TBC1D21: variants seen among roughly 807,000 people sequenced by gnomAD.
The protein encoded by TBC1D21 is TBC1 domain family member 21, also known as male germ cell Rab GTPase-activating protein.
TBC1D21 carries 38 observed loss-of-function variants against 46.0 expected under a neutral mutation model. The ratio of observed to expected loss-of-function variants is 0.83; its 90% CI spans 0.64 to 1.08. TBC1D21 has a LOEUF of 1.08. Ranked by LOEUF, TBC1D21 falls within the 50% of genes least tolerant of loss-of-function variation. TBC1D21 has a pLI of 0.00. For missense variants in TBC1D21, 415 were observed against 417.9 expected (o/e 0.99, Z 0.06); for synonymous variants, 151 against 157.2 (o/e 0.96, Z 0.29).
chr15:73,898,880 A>AAAAAAAAAATATATATATAT, the TBC1D21 span, among the ~76,000 whole-genome samples: 30 of 56,784 alleles, frequency 5.3e-4, no homozygotes, highest in Non-Finnish European at 7.2e-4. Flanking sequence ...AAAAAAAAAA[A>AAAAAAAAAATATATATATAT]ATATATATAT....
Position 73,884,831 on chromosome 15 carries a change from A to G in TBC1D21, c.418A>G (p.Ile140Val). 2 of 1,614,174 alleles carry G rather than the reference A, an allele frequency of 1.2e-6. No homozygotes were observed. The highest frequency in any genetic ancestry group is 1.7e-6 in the Non-Finnish European group (2 of 1,180,006). The change falls in exon 5 of 11, where the codon ATC becomes GTC. Residue 140 changes from isoleucine (I) to valine (V), a missense_variant. Coordinates refer to ENST00000300504, the MANE Select transcript of TBC1D21 (RefSeq NM_153356.3). ...CAAAGATCCCCTGGGCAACGTCCTC[A>G]TCGACAAGAAGAGGCTAGAGAAGAT... is the stretch of plus-strand genomic sequence containing the variant. ...YDKDPLGNVL[I>V]DKKRLEKILL...
chr15:73,887,508 C>A, intron 8 of TBC1D21, 112 bp from the exon 9 acceptor site: 1 of 825,566 alleles, frequency 1.2e-6, no homozygotes, highest in Non-Finnish European at 2.1e-6. Context: ...AAGTCAGCAG[C>A]AAGGCCCAGG....
chr15:73,900,329 C>T, the TBC1D21 span, among the ~76,000 whole-genome samples: 2 of 152,226 alleles, frequency 1.3e-5, no homozygotes, highest in Non-Finnish European at 2.9e-5. Context: ...GGGTTTCAAT[C>T]CCCACCACAC....
downstream of TBC1D21, among the ~76,000 whole-genome samples, chr15:73,891,468 C>T (rs552377671): frequency 3.3e-5 from 5 of 152,180 alleles, no homozygotes; most frequent in Non-Finnish European, 5.9e-5. Context: ...TCCATGGAGC[C>T]AGTGGGAGCC....
At chr15:73,904,227 A>G in the TBC1D21 span, among the ~76,000 whole-genome samples, 49 of 152,320 alleles carry the variant, frequency 3.2e-4, no homozygotes, top group Non-Finnish European at 6.5e-4. Context: ...AGAACTAACC[A>G]GGTTGGAGTG....
intron 10 of TBC1D21, 131 bp from the exon 11 acceptor site, chr15:73,888,938 C>A: frequency 9.4e-7 from 1 of 1,060,758 alleles, no homozygotes. Context: ...GGGCCCTCAT[C>A]CCCCATTCCC....
intron 3 of TBC1D21, among the ~76,000 whole-genome samples, chr15:73,883,706 GGCCAGCAATACC>G (rs758535738): frequency 6.6e-6 from 1 of 152,156 alleles, no homozygotes; most frequent in Non-Finnish European, 1.5e-5. Flanking sequence ...GCCACCATGC[GGCCAGCAATACC>G]AACTAATCAT....
chr15:73,881,345 C>A, intron 1 of TBC1D21, 54 bp from the exon 2 acceptor site: 1 of 1,378,258 alleles, frequency 7.3e-7, no homozygotes, highest in Non-Finnish European at 1.0e-6. Context: ...TAAAATCACA[C>A]TTAAAAGCCG....
the TBC1D21 span, among the ~76,000 whole-genome samples, chr15:73,895,622 G>A: frequency 6.6e-6 from 1 of 152,210 alleles, no homozygotes; most frequent in Non-Finnish European, 1.5e-5. Context: ...GAGGCTGGGA[G>A]CAAATAGGAT....
At chr15:73,900,782 A>G in the TBC1D21 span, among the ~76,000 whole-genome samples, 1 of 152,206 alleles carries the variant, frequency 6.6e-6, no homozygotes, top group African/African-American at 2.4e-5. Flanking sequence ...AATGAGAGGC[A>G]AAGTCACAGG....
Position 73,887,634 on chromosome 15 carries a change from G to A in TBC1D21, c.792G>A (p.Gly264=), listed in dbSNP as rs1238318902. 10 of 1,614,058 alleles carry A rather than the reference G, an allele frequency of 6.2e-6. No individual in the cohort carries two copies. Among genetic ancestry groups the A allele is most frequent in the Non-Finnish European group, 8.5e-6 (10 of 1,179,998 alleles). The change falls in exon 9 of 11, where the codon GGG becomes GGA. Residue 264 remains glycine (G), a synonymous_variant. Coordinates refer to ENST00000300504, the MANE Select transcript of TBC1D21 (RefSeq NM_153356.3). The stretch of plus-strand genomic sequence containing the variant: ...CTGACCCACAGGTTCTGCTGACGGG[G>A]AAGCCCTGCAGGAACTTCCAGGTGC... The part of the protein sequence containing the change: ...VWRLWEVLLT[G]KPCRNFQVLV...
chr15:73,875,280 AGAAG>A (rs1342413878), intron 1 of TBC1D21, among the ~76,000 whole-genome samples: 2 of 132,388 alleles, frequency 1.5e-5, no homozygotes, highest in African/African-American at 5.5e-5. Context: ...AGAAGAAGAA[AGAAG>A]GAAGGAAGGA....
chr15:73,900,486 T>G, the TBC1D21 span, among the ~76,000 whole-genome samples: 1 of 152,112 alleles, frequency 6.6e-6, no homozygotes, highest in South Asian at 2.1e-4. Flanking sequence ...TGAGACCCCC[T>G]ACCTGTCCTG....
At chr15:73,907,390 C>A in the TBC1D21 span, among the ~76,000 whole-genome samples, 2 of 152,180 alleles carry the variant, frequency 1.3e-5, no homozygotes, top group Admixed American at 1.3e-4. Flanking sequence ...TTTGAGAGGG[C>A]AGCTTTAGAA....
At chr15:73,874,849 G>A (rs2068029864) in intron 1 of TBC1D21, among the ~76,000 whole-genome samples, 1 of 152,204 alleles carries the variant, frequency 6.6e-6, no homozygotes, top group Non-Finnish European at 1.5e-5. Flanking sequence ...TCACGGTGCT[G>A]TACTGATGAT....
At chr15:73,899,995 C>T in the TBC1D21 span, among the ~76,000 whole-genome samples, 1 of 152,184 alleles carries the variant, frequency 6.6e-6, no homozygotes, top group Non-Finnish European at 1.5e-5. Flanking sequence ...GCCCCGCCCC[C>T]TCTGCCTGTC....
At position 73,876,199 on chromosome 15, in the gene TBC1D21, G is replaced by GGTGTTTTTT. The variant is rs2068057275; in HGVS notation, c.60+2430_60+2431insGTGTTTTTT. Among the ~76,000 whole-genome samples, 27 of 28,314 alleles carry GGTGTTTTTT rather than the reference G, an allele frequency of 9.5e-4. 11 individuals are homozygous for GGTGTTTTTT. The highest frequency in any genetic ancestry group is 3.0e-3 in the Non-Finnish European group (16 of 5,336). The allele number at this position is 28,314 out of a possible 152,430, so 18.6% of individuals were successfully genotyped here. On this transcript the variant is annotated intron_variant, in intron 1 of 10. Transcript: ENST00000300504. The stretch of plus-strand genomic sequence containing the variant: ...GAAGAATCAGTGACTTTTTTTGTGG[G>GGTGTTTTTT]TTTTTTTTTTTTTTTTTTTTTTTTT...
At chr15:73,900,828 C>T in the TBC1D21 span, among the ~76,000 whole-genome samples, 1 of 152,214 alleles carries the variant, frequency 6.6e-6, no homozygotes, top group Non-Finnish European at 1.5e-5. Context: ...TAGGAAGAGT[C>T]CCAGCTCTGA....
chr15:73,881,804 G>C (rs1215330109), intron 3 of TBC1D21, 57 bp downstream of exon 3: 1 of 1,458,970 alleles, frequency 6.9e-7, no homozygotes, highest in South Asian at 1.2e-5. Context: ...GGCAGGTGCT[G>C]CCTCCCCAGC....
Sources: allele counts gnomAD v4.1 joint callset (sites outside exome capture counted in the v4.1 genomes callset), GRCh38; gene constraint gnomAD v4.1.1; transcripts MANE v1.5; gene names NCBI Gene and HGNC (gene_info 2026-07-23, HGNC 2026-07-21).